Variants in TMEM196 observed in about 807,000 individuals in gnomAD.
TMEM196 encodes transmembrane protein 196.
In TMEM196, 17 loss-of-function variants were observed where a neutral mutation model predicts 20.0. That is an observed-to-expected ratio of 0.85 (90% CI 0.58 to 1.27). The LOEUF is 1.27. Among genes scored for constraint, TMEM196 ranks in the 50% most tolerant of loss-of-function variants. TMEM196 has a pLI of 0.00. For synonymous variants in TMEM196, 113 were observed against 88.9 expected (o/e 1.27, Z -1.52); for missense variants, 267 against 223.0 (o/e 1.20, Z -1.26).
chr7:19,758,781 AAAGCAG>A (rs1785315495), intron 1 of TMEM196, among the ~76,000 whole-genome samples: 2 of 152,284 alleles, frequency 1.3e-5, no homozygotes, highest in South Asian at 2.1e-4. Context: ...GCTACACAAA[AAAGCAG>A]AAGCTGTCCA....
At position 19,722,052 on chromosome 7, in the gene TMEM196, T is replaced by C; in HGVS notation, c.*76A>G. 1.3e-6 allele frequency: 2 copies of C among 1,599,870 alleles called. No individual in the cohort carries two copies. The highest frequency in any genetic ancestry group is 1.7e-6 in the Non-Finnish European group (2 of 1,170,714). On this transcript the variant is annotated 3_prime_UTR_variant, in exon 5 of 5. Transcript: ENST00000405844. ...ATTGCCTCATGAAAATCCTAAAAAGTGTTCAATTCTTTAAAACATTGATTA... is the reference window on the plus strand; with the variant it reads ...ATTGCCTCATGAAAATCCTAAAAAGCGTTCAATTCTTTAAAACATTGATTA...
At position 19,770,236 on chromosome 7, in the gene TMEM196, C is replaced by A. The variant is rs866935426; in HGVS notation, c.147+2314G>T. Among the ~76,000 whole-genome samples the A allele has an allele frequency of 3.9e-5, 6 of 152,232 alleles. No homozygotes were observed. The South Asian group carries it at 6.2e-4, about 16-fold the overall frequency. ...TCACATTCTAATTTCTCATTGCTGG[C>A]AAAGTTAGTAATGTACCATTTTGTT... On this transcript the variant is annotated intron_variant, in intron 1 of 4. Coordinates refer to ENST00000405844, the MANE Select transcript of TMEM196 (RefSeq NM_001363562.2).
rs965607015 is a variant in TMEM196 at position 19,719,652 on chromosome 7, T to C, written c.*2476A>G. 2 of 152,084 alleles carry C rather than the reference T, an allele frequency of 1.3e-5. No homozygotes were observed. Among genetic ancestry groups the C allele is most frequent in the Admixed American group, 1.3e-4 (2 of 15,266 alleles). 9.4% of individuals were successfully genotyped at this position (152,084 alleles called of 1,614,324 possible). A position where few individuals can be genotyped will look rare whatever the true frequency, so the allele number is the denominator to read the frequency against. On this transcript the variant is annotated 3_prime_UTR_variant, in exon 5 of 5. Coordinates refer to ENST00000405844, the MANE Select transcript of TMEM196 (RefSeq NM_001363562.2). ...ACATTCCAGCATGTGGTTCAATGTA[T>C]TGTCCAAATTAAAGTTTCAAGCACT...
At chr7:19,743,944 GA>G (rs987741414) in intron 1 of TMEM196, among the ~76,000 whole-genome samples, 2 of 152,144 alleles carry the variant, frequency 1.3e-5, no homozygotes, top group African/African-American at 4.8e-5. Context: ...ACAAGAACAT[GA>G]ATCAGAATCT....
intron 1 of TMEM196, among the ~76,000 whole-genome samples, chr7:19,741,825 A>G (rs926254714): frequency 6.6e-6 from 1 of 152,176 alleles, no homozygotes; most frequent in African/African-American, 2.4e-5. Context: ...ACCTAAGAGA[A>G]TATATTCCAG....
chr7:19,742,081 G>A (rs572471858), intron 1 of TMEM196, among the ~76,000 whole-genome samples: 5 of 152,198 alleles, frequency 3.3e-5, no homozygotes, highest in Admixed American at 1.3e-4. Flanking sequence ...GCATCTGGAC[G>A]AAATCCAGAT....
At chr7:19,729,187 C>A (rs888047251) in intron 2 of TMEM196, among the ~76,000 whole-genome samples, 195 bp downstream of exon 2, 6 of 149,914 alleles carry the variant, frequency 4.0e-5, no homozygotes, top group Non-Finnish European at 8.9e-5. Flanking sequence ...CATCGGTGGG[C>A]TTTTGTCATA....
At position 19,732,722 on chromosome 7, in the gene TMEM196, T is replaced by C. The variant is rs187140124; in HGVS notation, c.148-3284A>G. ...TACTCACCTACAACTGCAAGACCAT[T>C]GTTAATTTATGATATAACTTCTGAT... On this transcript the variant is annotated intron_variant, in intron 1 of 4. Coordinates refer to ENST00000405844, the MANE Select transcript of TMEM196 (RefSeq NM_001363562.2). 3.3e-5 allele frequency among the ~76,000 whole-genome samples: 5 copies of C among 152,270 alleles called. No homozygotes were observed. In the East Asian group the frequency reaches 7.7e-4, roughly 23 times the overall value.
At chr7:19,768,180 G>T (rs1785712395) in intron 1 of TMEM196, among the ~76,000 whole-genome samples, 1 of 152,082 alleles carries the variant, frequency 6.6e-6, no homozygotes, top group African/African-American at 2.4e-5. Flanking sequence ...AACATTAAAT[G>T]ATTTAGATAA....
At chr7:19,729,082 G>C (rs1784099604) in intron 2 of TMEM196, among the ~76,000 whole-genome samples, 1 of 152,110 alleles carries the variant, frequency 6.6e-6, no homozygotes. Context: ...CGATTGTCTG[G>C]CAGTCTCCAG....
At chr7:19,736,804 T>A (rs530585028) in intron 1 of TMEM196, among the ~76,000 whole-genome samples, 1 of 151,620 alleles carries the variant, frequency 6.6e-6, no homozygotes, top group African/African-American at 2.4e-5. Flanking sequence ...AGAGTGAGAG[T>A]TGTTTGGTTT....
rs541329463 is a variant in TMEM196, at chr7:19,755,995, C to A, written c.147+16555G>T. ...AGTGAGTCAAGATTGTGCCACTGTA[C>A]TCCAGCCTCCAGCCTGGACAGCAGA... On this transcript the variant is annotated intron_variant, in intron 1 of 4. Coordinates refer to ENST00000405844, the MANE Select transcript of TMEM196 (RefSeq NM_001363562.2). Among the ~76,000 whole-genome samples, 45 of 151,004 alleles carry A rather than the reference C, an allele frequency of 3.0e-4. No individual in the cohort carries two copies. The South Asian group carries it at 7.9e-3, about 27-fold the overall frequency.
chr7:19,765,273 C>T (rs551128429), intron 1 of TMEM196, among the ~76,000 whole-genome samples: 141 of 152,250 alleles, frequency 9.3e-4, no homozygotes, highest in Non-Finnish European at 1.8e-3. Flanking sequence ...GCCTTGACCA[C>T]ATGGTTTTAT....
At chr7:19,762,593 T>C (rs1335410125) in intron 1 of TMEM196, among the ~76,000 whole-genome samples, 1 of 152,230 alleles carries the variant, frequency 6.6e-6, no homozygotes, top group Non-Finnish European at 1.5e-5. Context: ...TGTTTAAGAT[T>C]CTTTCACATC....
chr7:19,729,846 T>TAATG (rs1252836749), intron 1 of TMEM196, among the ~76,000 whole-genome samples: 1 of 152,206 alleles, frequency 6.6e-6, no homozygotes, highest in Admixed American at 6.5e-5. Context: ...AATCAAAAGA[T>TAATG]AATGCATCAG....
chr7:19,746,535 C>T (rs1246478820), intron 1 of TMEM196, among the ~76,000 whole-genome samples: 1 of 152,064 alleles, frequency 6.6e-6, no homozygotes, highest in African/African-American at 2.4e-5. Context: ...TTTCAGTGTC[C>T]TGGGATATTT....
At chr7:19,759,575 C>A (rs1052540928) in intron 1 of TMEM196, among the ~76,000 whole-genome samples, 4 of 152,076 alleles carry the variant, frequency 2.6e-5, no homozygotes, top group African/African-American at 9.7e-5. Flanking sequence ...TCACAAGCAT[C>A]TCTACTTTCA....
In TMEM196 at chr7:19,733,927, C is replaced by T. The variant is rs1784301614; in HGVS notation, c.148-4489G>A. ...CAAAACACTTTCTCCTTCAGCCCCA[C>T]CTTCACTCACCATGAGTTAGCAGTT... On this transcript the variant is annotated intron_variant, in intron 1 of 4. Transcript: ENST00000405844. 1.3e-5 allele frequency among the ~76,000 whole-genome samples: 2 copies of T among 152,180 alleles called. 1 individual carries two copies. Among genetic ancestry groups the T allele is most frequent in the East Asian group, 3.8e-4 (2 of 5,198 alleles).
chr7:19,745,535 T>C (rs529144512), intron 1 of TMEM196, among the ~76,000 whole-genome samples: 7 of 152,056 alleles, frequency 4.6e-5, no homozygotes, highest in Admixed American at 2.0e-4. Flanking sequence ...ACTGTATCTC[T>C]TGCCCAGCTG....
Sources: gnomAD v4.1 joint callset for allele counts (sites outside exome capture counted in the v4.1 genomes callset) on GRCh38, gnomAD v4.1.1 for gene constraint, MANE v1.5 for transcripts, NCBI Gene and HGNC (gene_info 2026-07-23, HGNC 2026-07-21) for gene names.